The following DPP10 variants were observed in gnomAD, a reference collection of about 807,000 sequenced individuals.
DPP10 encodes the protein inactive dipeptidyl peptidase 10.
A neutral mutation model predicts 120.9 loss-of-function variants in DPP10; 33 were observed. The observed-to-expected ratio is 0.27, with a 90% CI of 0.21 to 0.37. The LOEUF (loss-of-function observed/expected upper bound fraction) is 0.37. DPP10 is among the 10% of genes least tolerant of loss of function. The pLI is 1.00. For missense variants in DPP10, 816 were observed against 942.8 expected, an observed-to-expected ratio of 0.87 and a Z score of 1.76; for synonymous variants, 337 against 326.1, an observed-to-expected ratio of 1.03 and a Z score of -0.36.
intron 1 of DPP10, among the ~76,000 whole-genome samples, chr2:114,555,317 C>A (rs540487039): frequency 1.1e-4 from 16 of 152,252 alleles, no homozygotes; most frequent in African/African-American, 3.6e-4. Context: ...ATGCCAAGCA[C>A]CATTTTCAGC....
At chr2:115,013,205 C>G (rs1702387103) in intron 1 of DPP10, among the ~76,000 whole-genome samples, 1 of 152,078 alleles carries the variant, frequency 6.6e-6, no homozygotes, top group Admixed American at 6.5e-5. Flanking sequence ...GACAAAATCT[C>G]TCACCGTTTG....
intron 3 of DPP10, among the ~76,000 whole-genome samples, chr2:115,380,722 T>G (rs2066259839): frequency 6.6e-6 from 1 of 152,202 alleles, no homozygotes; most frequent in African/African-American, 2.4e-5. Flanking sequence ...AGTGCTTCCT[T>G]CAGGAGCTCT....
chr2:114,929,499 T>G (rs1695906028), intron 1 of DPP10, among the ~76,000 whole-genome samples: 1 of 152,208 alleles, frequency 6.6e-6, no homozygotes, highest in Non-Finnish European at 1.5e-5. Flanking sequence ...TTCCTAGGGT[T>G]ATTCCTTACT....
chr2:114,744,664 G>A (rs551189440), intron 1 of DPP10, among the ~76,000 whole-genome samples: 1 of 152,318 alleles, frequency 6.6e-6, no homozygotes, highest in East Asian at 1.9e-4. Flanking sequence ...TGACCTGGTG[G>A]AATCTTGGTT....
At chr2:114,787,795 A>C (rs1682888356) in intron 1 of DPP10, among the ~76,000 whole-genome samples, 1 of 152,158 alleles carries the variant, frequency 6.6e-6, no homozygotes, top group East Asian at 1.9e-4. Flanking sequence ...AGTGTATTTT[A>C]ATGGATTTTA....
intron 3 of DPP10, among the ~76,000 whole-genome samples, chr2:115,465,551 G>A (rs567366543): frequency 6.6e-6 from 1 of 152,288 alleles, no homozygotes; most frequent in East Asian, 1.9e-4. Context: ...GGCCAGGCAT[G>A]GTGGCTCACG....
intron 1 of DPP10, among the ~76,000 whole-genome samples, chr2:114,680,011 A>G (rs989425117): frequency 6.6e-6 from 1 of 151,996 alleles, no homozygotes; most frequent in Non-Finnish European, 1.5e-5. Context: ...TTAAAATAGG[A>G]TGTAATTGAT....
chr2:115,624,623 T>G (rs142343746), intron 5 of DPP10, among the ~76,000 whole-genome samples: 37 of 152,330 alleles, frequency 2.4e-4, no homozygotes, highest in Non-Finnish European at 4.4e-4. Context: ...CTCAGATTCC[T>G]CAGCTGTATA....
At chr2:115,663,239 T>G (rs1478246272) in intron 5 of DPP10, among the ~76,000 whole-genome samples, 1 of 152,182 alleles carries the variant, frequency 6.6e-6, no homozygotes, top group Non-Finnish European at 1.5e-5. Context: ...TTAAAATTCT[T>G]GAGCCAAGGA....
intron 1 of DPP10, among the ~76,000 whole-genome samples, chr2:114,592,685 G>A (rs534985010): frequency 6.6e-5 from 10 of 151,466 alleles, no homozygotes; most frequent in South Asian, 4.2e-4. Flanking sequence ...CCCTCAAAAC[G>A]CTTGAAAACA....
At chr2:115,814,358 C>T (rs906370917) in intron 19 of DPP10, among the ~76,000 whole-genome samples, 1 of 151,966 alleles carries the variant, frequency 6.6e-6, no homozygotes, top group Middle Eastern at 3.2e-3. Context: ...TTATTATCAA[C>T]TTTTCATAAC....
intron 5 of DPP10, among the ~76,000 whole-genome samples, chr2:115,538,532 C>G (rs901137082): frequency 2.6e-5 from 4 of 151,708 alleles, no homozygotes; most frequent in African/African-American, 9.7e-5. Flanking sequence ...TACAGATAAC[C>G]TAGGGGTGGC....
chr2:114,643,091 T>A (rs1695832831), intron 1 of DPP10, among the ~76,000 whole-genome samples: 2 of 151,974 alleles, frequency 1.3e-5, no homozygotes, highest in Admixed American at 1.3e-4. Context: ...CACCCTCATC[T>A]TTCAAAACAT....
At chr2:114,887,515 C>T (rs1172576072) in intron 1 of DPP10, among the ~76,000 whole-genome samples, 3 of 152,122 alleles carry the variant, frequency 2.0e-5, no homozygotes, top group Non-Finnish European at 2.9e-5. Context: ...GAGAAACATC[C>T]CCAAAGTCTT....
intron 7 of DPP10, among the ~76,000 whole-genome samples, chr2:115,698,748 A>C (rs1231653209): frequency 6.6e-6 from 1 of 152,164 alleles, no homozygotes; most frequent in Non-Finnish European, 1.5e-5. Flanking sequence ...CCAGCACTGT[A>C]AATAAATATA....
chr2:115,135,070 T>A lies in DPP10; in HGVS notation c.61-174169T>A, dbSNP rs190758282. On this transcript the variant is annotated intron_variant, in intron 1 of 25. Coordinates refer to ENST00000410059, the MANE Select transcript of DPP10 (RefSeq NM_020868.6). The stretch of plus-strand genomic sequence containing the variant: ...ATGGCTGGAGAACACTGAAGAAGGC[T>A]TCCACCTATTAGCTCAAACAGTCAG... 5.3e-5 allele frequency among the ~76,000 whole-genome samples: 8 copies of A among 152,062 alleles called. No individual in the cohort carries two copies. The East Asian group carries it at 1.5e-3, about 29-fold the overall frequency.
intron 1 of DPP10, among the ~76,000 whole-genome samples, chr2:115,214,205 G>A (rs1033025136): frequency 6.6e-6 from 1 of 152,158 alleles, no homozygotes; most frequent in Non-Finnish European, 1.5e-5. Context: ...TAGGGGTTTG[G>A]TCTGGGTGCC....
rs954456063 is a variant in DPP10, at chr2:115,375,246, A to G, written c.271+31334A>G. Reference sequence around the variant, plus strand: ...GCTGCTTAGAAGTTTCTTCCAATAGATATCCTAAATAATCTCTCTCAAGTT... The same window carrying G: ...GCTGCTTAGAAGTTTCTTCCAATAGGTATCCTAAATAATCTCTCTCAAGTT... On this transcript the variant is annotated intron_variant, in intron 3 of 25. Coordinates refer to ENST00000410059, the MANE Select transcript of DPP10 (RefSeq NM_020868.6). 2.6e-5 allele frequency among the ~76,000 whole-genome samples: 4 copies of G among 152,158 alleles called. No homozygotes were observed. The East Asian group carries it at 7.7e-4, about 29-fold the overall frequency.
chr2:115,009,921 G>T (rs1381301278), intron 1 of DPP10, among the ~76,000 whole-genome samples: 1 of 152,166 alleles, frequency 6.6e-6, no homozygotes, highest in Non-Finnish European at 1.5e-5. Flanking sequence ...AATGTGGTAT[G>T]ATAAGTACTG....
Sources: allele counts gnomAD v4.1 joint callset (sites outside exome capture counted in the v4.1 genomes callset), GRCh38; gene constraint gnomAD v4.1.1; transcripts MANE v1.5; gene names NCBI Gene and HGNC (gene_info 2026-07-23, HGNC 2026-07-21).